CELSR2: variants seen among roughly 807,000 people sequenced by gnomAD.
CELSR2 encodes the protein EGF-like protein 2.
In CELSR2, 81 loss-of-function variants were observed where a neutral mutation model predicts 251.6. That is an observed-to-expected ratio of 0.32 (90% CI 0.27 to 0.39). The LOEUF (loss-of-function observed/expected upper bound fraction) is 0.39. Ranked by LOEUF, CELSR2 falls within the 10% of genes least tolerant of loss-of-function variation. CELSR2 has a pLI of 1.00. For missense variants in CELSR2, 3,365 were observed against 3,947.7 expected, an observed-to-expected ratio of 0.85 and a Z score of 3.96; for synonymous variants, 1,721 against 1,670.5, an observed-to-expected ratio of 1.03 and a Z score of -0.74.
chr1:109,258,893 T>C lies in CELSR2; in HGVS notation c.3772T>C (p.Ser1258Pro). 6.2e-7 allele frequency: 1 copy of C among 1,612,530 alleles called. No homozygotes were observed. The highest frequency in any genetic ancestry group is 8.5e-7 in the Non-Finnish European group (1 of 1,179,476). The change falls in exon 2 of 34, where the codon TCC becomes CCC. Residue 1258 changes from serine to proline, a missense_variant. By Grantham distance (74) the Ser-to-Pro change is moderately conservative. This residue lies in a region of CELSR2 where 2,093 missense variants were observed against 2,382.8 expected (regional missense o/e 0.88). Transcript: ENST00000271332. Reference protein sequence around the residue: ...RFDSSAPFIASSSVLFRPIHP... With the variant: ...RFDSSAPFIAPSSVLFRPIHP... ...CGACTCCTCCGCGCCCTTCATCGCC[T>C]CCTCCTCCGTGCTCTTCCGGCCCAT...
Position 109,270,863 on chromosome 1 carries a change from C to A in CELSR2, c.7484-64C>A, listed in dbSNP as rs41279714. The stretch of plus-strand genomic sequence containing the variant: ...GCCTGGCCCTGTGAGCCCACCTGCC[C>A]GCAGCCCTACTTCCCAGGCCCCTCA... On this transcript the variant is annotated intron_variant, in intron 24 of 33. Transcript: ENST00000271332. 3.2e-6 allele frequency: 4 copies of A among 1,238,662 alleles called. No individual in the cohort carries two copies. The African/African-American group carries it at 4.5e-5, about 14-fold the overall frequency. 76.7% of individuals were successfully genotyped at this position (1,238,662 alleles called of 1,614,324 possible).
Position 109,263,755 on chromosome 1 carries a change from G to A in CELSR2, c.4979G>A (p.Gly1660Glu). ...DGVLLQAITR[G>E]RSTITLQLRE... is the part of the protein sequence containing the mutation. ...GTCCTGCTGCAGGCCATCACCAGGG[G>A]GCGCAGCACCATCACCCTACAGGTG... Residue 1660 changes from glycine to glutamate, a missense_variant, in exon 9 of 34, where the codon GGG (glycine) becomes GAG (glutamate). Physicochemically the swap from Gly to Glu is moderately conservative, Grantham distance 98. Around this residue, in one of 5 missense-constraint regions of CELSR2, gnomAD observed 2,093 missense variants for 2,382.8 expected, o/e 0.88. Transcript: ENST00000271332. 6.2e-7 allele frequency: 1 copy of A among 1,613,540 alleles called. No homozygotes were observed. The highest frequency in any genetic ancestry group is 8.5e-7 in the Non-Finnish European group (1 of 1,179,964).
chr1:109,263,607 C>T lies in CELSR2; in HGVS notation c.4835-4C>T, dbSNP rs1172926446. ...TCACAGTCTGCCTTTTCCTGCCTCCCCAGAAATGGCCAATCCACAGCACTT... is the reference window on the plus strand; with the variant it reads ...TCACAGTCTGCCTTTTCCTGCCTCCTCAGAAATGGCCAATCCACAGCACTT... On this transcript the variant is annotated splice_polypyrimidine_tract_variant and splice_region_variant and intron_variant, in intron 8 of 33. Coordinates refer to ENST00000271332, the MANE Select transcript of CELSR2 (RefSeq NM_001408.3). 1 of 1,613,298 alleles carries T rather than the reference C, an allele frequency of 6.2e-7. No individual in the cohort carries two copies. The highest frequency in any genetic ancestry group is 1.7e-5 in the Admixed American group (1 of 59,964).
rs538354143 is a variant in CELSR2, at chr1:109,270,876, C to T, written c.7484-51C>T. The T allele has an allele frequency of 3.0e-5, 42 of 1,379,458 alleles. No individual in the cohort carries two copies. In the African/African-American group the frequency reaches 3.4e-4, roughly 11 times the overall value. 85.5% of individuals were successfully genotyped at this position (1,379,458 alleles called of 1,614,324 possible). ...AGCCCACCTGCCCGCAGCCCTACTTCCCAGGCCCCTCATCACCCCTCCACT... is the reference window on the plus strand; with the variant it reads ...AGCCCACCTGCCCGCAGCCCTACTTTCCAGGCCCCTCATCACCCCTCCACT... On this transcript the variant is annotated intron_variant, in intron 24 of 33. Coordinates refer to ENST00000271332, the MANE Select transcript of CELSR2 (RefSeq NM_001408.3).
chr1:109,267,505 G>A, intron 15 of CELSR2, 43 bp from the exon 16 acceptor site: 1 of 1,580,116 alleles, frequency 6.3e-7, no homozygotes. Context: ...GGGGCTTCCT[G>A]TGTGTCTCCC....
In CELSR2 at chr1:109,251,356, G is replaced by A. The variant is rs758860471; in HGVS notation, c.1277G>A (p.Arg426Gln). 3 of 1,614,004 alleles carry A rather than the reference G, an allele frequency of 1.9e-6. No homozygotes were observed. Among genetic ancestry groups the A allele is most frequent in the South Asian group, 1.1e-5 (1 of 91,082 alleles). The part of the protein sequence containing the change: ...APVLRVTASD[R>Q]DKGSNAVVHY... Reference sequence around the variant, plus strand: ...GTACTCCGAGTCACAGCCTCGGATCGAGACAAGGGGAGCAATGCCGTGGTG... The same window carrying A: ...GTACTCCGAGTCACAGCCTCGGATCAAGACAAGGGGAGCAATGCCGTGGTG... The change falls in exon 1 of 34, where the codon CGA becomes CAA. Residue 426 changes from arginine to glutamine, a missense_variant. Arg to Gln is a conservative substitution (Grantham distance 43). This residue lies in a region of CELSR2 where 704 missense variants were observed against 784.1 expected (regional missense o/e 0.90). Coordinates refer to ENST00000271332, the MANE Select transcript of CELSR2 (RefSeq NM_001408.3). The surrounding 1 kb of genome is among the most constrained non-coding windows in gnomAD (Gnocchi z 4.9).
rs1367517822 is a variant in CELSR2 at position 109,274,310 on chromosome 1, A to T, written c.*261A>T. 2.7e-5 allele frequency: 19 copies of T among 716,262 alleles called. No individual in the cohort carries two copies. The highest frequency in any genetic ancestry group is 3.8e-5 in the Non-Finnish European group (18 of 469,602). The allele number at this position is 716,262 out of a possible 1,614,324, so 44.4% of individuals were successfully genotyped here. On this transcript the variant is annotated 3_prime_UTR_variant, in exon 34 of 34. Coordinates refer to ENST00000271332, the MANE Select transcript of CELSR2 (RefSeq NM_001408.3). ...CAACATCTCCAAGACAAAGTTTTTC[A>T]GAAAAGAGGAAAAAAAGAATTTAAA... is the stretch of plus-strand genomic sequence containing the variant.
In CELSR2 at chr1:109,251,296, T is replaced by A. The variant is rs769640761; in HGVS notation, c.1217T>A (p.Val406Asp). ...APQFSEKRYV[V>D]QVREDVTPGA... ...CAGTTTAGTGAGAAGCGCTATGTGG[T>A]CCAGGTGAGGGAGGATGTGACTCCA... Residue 406 changes from valine (V) to aspartate (D), a missense_variant, in exon 1 of 34, where the codon GTC becomes GAC. Around this residue, in one of 5 missense-constraint regions of CELSR2, gnomAD observed 704 missense variants for 784.1 expected, o/e 0.90. Transcript: ENST00000271332. The surrounding 1 kb of genome is among the most constrained non-coding windows in gnomAD (Gnocchi z 4.9). The A allele has an allele frequency of 6.2e-7, 1 of 1,614,058 alleles. No homozygotes were observed. The highest frequency in any genetic ancestry group is 1.7e-5 in the Admixed American group (1 of 60,012).
chr1:109,272,601 G>T, intron 29 of CELSR2, 39 bp from the exon 30 acceptor site: 1 of 1,589,284 alleles, frequency 6.3e-7, no homozygotes, highest in Non-Finnish European at 8.6e-7. Flanking sequence ...CTGGGCAAGG[G>T]GCCAGGCTGA....
Position 109,272,350 on chromosome 1 carries a change from C to G in CELSR2, c.7999C>G (p.His2667Asp). 4 of 1,612,870 alleles carry G rather than the reference C, an allele frequency of 2.5e-6. No individual in the cohort carries two copies. Among genetic ancestry groups the G allele is most frequent in the Non-Finnish European group, 3.4e-6 (4 of 1,179,312 alleles). ...QPYGDSAGSL[H>D]STSRSGKSQP... ...CTACGGAGACTCGGCCGGCTCTCTGCACAGCACCAGTCGCTCGGGCAAGAG... is the reference window on the plus strand; with the variant it reads ...CTACGGAGACTCGGCCGGCTCTCTGGACAGCACCAGTCGCTCGGGCAAGAG... The change falls in exon 29 of 34, where the codon CAC becomes GAC. Residue 2667 changes from histidine to aspartate, a missense_variant. By Grantham distance (81) the His-to-Asp change is moderately conservative. Transcript: ENST00000271332.
Position 109,263,752 on chromosome 1 carries a change from G to A in CELSR2, c.4976G>A (p.Arg1659Lys), listed in dbSNP as rs751809613. The A allele has an allele frequency of 1.9e-6, 3 of 1,613,574 alleles. No individual in the cohort carries two copies. The highest frequency in any genetic ancestry group is 2.2e-5 in the South Asian group (2 of 91,084). ...ADGVLLQAITRGRSTITLQLR... is the reference protein window; with the variant it reads ...ADGVLLQAITKGRSTITLQLR... ...GGTGTCCTGCTGCAGGCCATCACCA[G>A]GGGGCGCAGCACCATCACCCTACAG... Residue 1659 changes from arginine to lysine, a missense_variant, in exon 9 of 34, where the codon AGG becomes AAG. Physicochemically the swap from Arg to Lys is conservative, Grantham distance 26. Around this residue, in one of 5 missense-constraint regions of CELSR2, gnomAD observed 2,093 missense variants for 2,382.8 expected, o/e 0.88. Coordinates refer to ENST00000271332, the MANE Select transcript of CELSR2 (RefSeq NM_001408.3).
Position 109,271,059 on chromosome 1 carries a change from T to A in CELSR2, c.7596+20T>A. 6.3e-7 allele frequency: 1 copy of A among 1,592,330 alleles called. No individual in the cohort carries two copies. The highest frequency in any genetic ancestry group is 1.7e-4 in the Middle Eastern group (1 of 5,996). On this transcript the variant is annotated intron_variant, in intron 25 of 33. Coordinates refer to ENST00000271332, the MANE Select transcript of CELSR2 (RefSeq NM_001408.3). Reference sequence around the variant, plus strand: ...GTCTCGGTGAGTGCTAGCAGGTGGGTTGGGTGTCACCTGTGGCCCTCCTTT... The same window carrying A: ...GTCTCGGTGAGTGCTAGCAGGTGGGATGGGTGTCACCTGTGGCCCTCCTTT...
Position 109,249,998 on chromosome 1 carries a change from A to T in CELSR2, c.-82A>T. ...CGGGGACTGGCGCCCTGGCCCGGGC[A>T]TGAGGCGCGGCGGGGCCGGCAGGAG... On this transcript the variant is annotated 5_prime_UTR_variant, in exon 1 of 34. It removes an upstream start codon present in the reference 5' UTR. Coordinates refer to ENST00000271332, the MANE Select transcript of CELSR2 (RefSeq NM_001408.3). The T allele has an allele frequency of 8.3e-7, 1 of 1,211,410 alleles. No homozygotes were observed. Among genetic ancestry groups the T allele is most frequent in the Non-Finnish European group, 1.0e-6 (1 of 974,834 alleles). The allele number at this position is 1,211,410 out of a possible 1,614,324, so 75.0% of individuals were successfully genotyped here.
Position 109,274,319 on chromosome 1 carries a change from G to A in CELSR2, c.*270G>A, listed in dbSNP as rs1553181663. The A allele has an allele frequency of 3.0e-6, 2 of 663,840 alleles. No individual in the cohort carries two copies. The highest frequency in any genetic ancestry group is 4.7e-6 in the Non-Finnish European group (2 of 425,060). 41.1% of individuals were successfully genotyped at this position (663,840 alleles called of 1,614,324 possible). On this transcript the variant is annotated 3_prime_UTR_variant, in exon 34 of 34. Coordinates refer to ENST00000271332, the MANE Select transcript of CELSR2 (RefSeq NM_001408.3). ...CAAGACAAAGTTTTTCAGAAAAGAG[G>A]AAAAAAAGAATTTAAAAAAGGATCT...
Position 109,269,830 on chromosome 1 carries a change from A to G in CELSR2, c.7107+10A>G. ...CGTTTCTCGGCGGGAGGTCGGGCCC[A>G]CAGGGGCAGCTGCAGAGCCGTGGGT... On this transcript the variant is annotated intron_variant, in intron 22 of 33. Transcript: ENST00000271332. The surrounding 1 kb of genome is among the most constrained non-coding windows in gnomAD (Gnocchi z 6.4). The G allele has an allele frequency of 6.2e-7, 1 of 1,612,624 alleles. No individual in the cohort carries two copies. Among genetic ancestry groups the G allele is most frequent in the Non-Finnish European group, 8.5e-7 (1 of 1,179,898 alleles).
Position 109,259,006 on chromosome 1 carries a change from G to A in CELSR2, c.3885G>A (p.Arg1295=). 6.2e-7 allele frequency: 1 copy of A among 1,604,784 alleles called. No homozygotes were observed. ...CETEVDLCYS[R]PCGPHGRCRS... ...CCGAGGTGGACCTCTGCTACTCGCG[G>A]CCCTGTGGCCCCCACGGGCGCTGCC... The change falls in exon 2 of 34, where the codon CGG becomes CGA. Residue 1295 remains arginine, a synonymous_variant. Transcript: ENST00000271332.
At chr1:109,266,320 T>G in intron 15 of CELSR2, 114 bp downstream of exon 15, 1 of 1,235,990 alleles carries the variant, frequency 8.1e-7, no homozygotes, top group Non-Finnish European at 1.1e-6. Context: ...GGCCTCCAGG[T>G]CCTGGGATTT....
rs570931149 is a variant in CELSR2, at chr1:109,269,744, G to T, written c.7031G>T (p.Arg2344Leu). 2.5e-6 allele frequency: 4 copies of T among 1,613,860 alleles called. No individual in the cohort carries two copies. The highest frequency in any genetic ancestry group is 3.4e-6 in the Non-Finnish European group (4 of 1,180,020). The change falls in exon 22 of 34, where the codon CGC (arginine) becomes CTC (leucine). Residue 2344 changes from arginine to leucine, a missense_variant. This residue lies in a region of CELSR2 where 2,093 missense variants were observed against 2,382.8 expected (regional missense o/e 0.88). Transcript: ENST00000271332. The surrounding 1 kb of genome is among the most constrained non-coding windows in gnomAD (Gnocchi z 6.4). ...WSARGCEVVF[R>L]NESHVSCQCN... ...GCCAGAGGCTGTGAAGTCGTCTTCC[G>T]CAATGAGAGCCACGTCAGCTGCCAG...
In CELSR2 at chr1:109,270,093, A is replaced by G; in HGVS notation, c.7268A>G (p.Gln2423Arg). ...CTGACAGCTGCCCTGGGCCTGGCTC[A>G]GCTGGTCTTCCTCCTGGGAATCAAC... Reference protein sequence around the residue: ...RNLTAALGLAQLVFLLGINQA... With the variant: ...RNLTAALGLARLVFLLGINQA... The change falls in exon 23 of 34, where the codon CAG (glutamine) becomes CGG (arginine). Residue 2423 changes from glutamine (Q) to arginine (R), a missense_variant. This residue lies in a region of CELSR2 where 2,093 missense variants were observed against 2,382.8 expected (regional missense o/e 0.88). Transcript: ENST00000271332. 6.2e-7 allele frequency: 1 copy of G among 1,613,962 alleles called. No homozygotes were observed. The highest frequency in any genetic ancestry group is 2.2e-5 in the East Asian group (1 of 44,872).
Sources: gnomAD v4.1 joint callset for allele counts on GRCh38, gnomAD v4.1.1 for gene constraint, gnomAD v4.1.1 regional missense constraint, Gnocchi (gnomAD v3.1) non-coding constraint, MANE v1.5 for transcripts, NCBI Gene and HGNC (gene_info 2026-07-23, HGNC 2026-07-21) for gene names.